The following ENTPD2 variants were observed in gnomAD, a reference collection of about 807,000 sequenced individuals.
ENTPD2 encodes ectonucleoside triphosphate diphosphohydrolase 2.
In ENTPD2, 48 loss-of-function variants were observed where a neutral mutation model predicts 46.8. The ratio of observed to expected loss-of-function variants is 1.03; its 90% CI spans 0.81 to 1.30. The LOEUF (loss-of-function observed/expected upper bound fraction) is 1.30. Ranked by LOEUF, ENTPD2 falls within the 50% of genes most tolerant of loss-of-function variation. The pLI, the probability that ENTPD2 is intolerant of heterozygous loss-of-function variation, is 0.00. For synonymous variants in ENTPD2, 316 were observed against 286.1 expected, an observed-to-expected ratio of 1.10 and a Z score of -1.06; for missense variants, 707 against 651.1, an observed-to-expected ratio of 1.09 and a Z score of -0.93.
Position 137,053,968 on chromosome 9 carries a change from C to A in ENTPD2, c.30G>T (p.Pro10=), listed in dbSNP as rs1832353916. Residue 10 remains proline, a synonymous_variant, in exon 1 of 9, where the codon CCG becomes CCT. Transcript: ENST00000355097. Reference sequence around the variant, plus strand: ...GGCCCGCGGCGGCCAGCAGCAGCGGCGGCAGCAGTGACCGCACCTTCCCGG... The same window carrying A: ...GGCCCGCGGCGGCCAGCAGCAGCGGAGGCAGCAGTGACCGCACCTTCCCGG... MAGKVRSLL[P]PLLLAAAGLA... is the part of the protein sequence containing the mutation. The A allele has an allele frequency of 8.2e-7, 1 of 1,221,648 alleles. No homozygotes were observed. The highest frequency in any genetic ancestry group is 1.0e-6 in the Non-Finnish European group (1 of 981,708). The allele number at this position is 1,221,648 out of a possible 1,614,324, so 75.7% of individuals were successfully genotyped here.
Position 137,053,869 on chromosome 9 carries a change from C to G in ENTPD2, c.117+12G>C, listed in dbSNP as rs577399919. On this transcript the variant is annotated intron_variant, in intron 1 of 8. Coordinates refer to ENST00000355097, the MANE Select transcript of ENTPD2 (RefSeq NM_203468.3). Reference sequence around the variant, plus strand: ...TGCTCCCCAGACGTGCGCTGGGTGCCCGGGCGCGCACCTTGAGGGCGGGCG... The same window carrying G: ...TGCTCCCCAGACGTGCGCTGGGTGCGCGGGCGCGCACCTTGAGGGCGGGCG... The G allele has an allele frequency of 1.4e-5, 17 of 1,222,718 alleles. No individual in the cohort carries two copies. Among genetic ancestry groups the G allele is most frequent in the Admixed American group, 4.3e-5 (1 of 23,406 alleles). The allele number at this position is 1,222,718 out of a possible 1,614,324, so 75.7% of individuals were successfully genotyped here. A position where few individuals can be genotyped will look rare whatever the true frequency, so the allele number is the denominator to read the frequency against.
chr9:137,052,452 C>G (rs901812549), intron 1 of ENTPD2, 104 bp from the exon 2 acceptor site: 3 of 871,546 alleles, frequency 3.4e-6, no homozygotes, highest in African/African-American at 4.6e-5. Context: ...GCTCCCCCCC[C>G]CACCCAGTCA....
In ENTPD2 at chr9:137,052,364, AGGGAGTCAGCCTGGGGT is replaced by A; in HGVS notation, c.118-33_118-17del. On this transcript the variant is annotated splice_polypyrimidine_tract_variant and intron_variant, in intron 1 of 8. Coordinates refer to ENST00000355097, the MANE Select transcript of ENTPD2 (RefSeq NM_203468.3). The stretch of plus-strand genomic sequence containing the variant: ...CGATGCCATACTGCGGGGGAGGGGG[AGGGAGTCAGCCTGGGGT>A]GTCCGGGGGCCCTGACACCCTGACA... The A allele has an allele frequency of 9.8e-7, 1 of 1,021,452 alleles. No homozygotes were observed. Among genetic ancestry groups the A allele is most frequent in the Non-Finnish European group, 1.5e-6 (1 of 673,296 alleles). The allele number at this position is 1,021,452 out of a possible 1,614,324, so 63.3% of individuals were successfully genotyped here. A position where few individuals can be genotyped will look rare whatever the true frequency, so the allele number is the denominator to read the frequency against.
intron 6 of ENTPD2, 36 bp from the exon 7 acceptor site, chr9:137,050,025 A>G: frequency 3.1e-6 from 5 of 1,588,484 alleles, no homozygotes; most frequent in East Asian, 2.3e-5. Context: ...ACCGAACCCC[A>G]GCGGCTCAGA....
In ENTPD2 at chr9:137,051,511, T is replaced by C. The variant is rs1197447007; in HGVS notation, c.385A>G (p.Asn129Asp). ...LGATAGMRLLNLTNPEASTSV... is the reference protein window; with the variant it reads ...LGATAGMRLLDLTNPEASTSV... ...GGGCCAGGGCACAGGCACACTCACT[T>C]GAGCAGGCGCATACCCGCTGTGGCT... The change falls in exon 3 of 9, where the codon AAC (asparagine) becomes GAC (aspartate). Residue 129 changes from asparagine to aspartate, a missense_variant and splice_region_variant. Asn to Asp is a conservative substitution (Grantham distance 23). Coordinates refer to ENST00000355097, the MANE Select transcript of ENTPD2 (RefSeq NM_203468.3). 5 of 1,592,526 alleles carry C rather than the reference T, an allele frequency of 3.1e-6. No individual in the cohort carries two copies. Among genetic ancestry groups the C allele is most frequent in the Non-Finnish European group, 4.3e-6 (5 of 1,168,888 alleles).
intron 3 of ENTPD2, 37 bp from the exon 4 acceptor site, chr9:137,051,407 C>T: frequency 1.3e-6 from 2 of 1,539,246 alleles, no homozygotes; most frequent in Non-Finnish European, 1.8e-6. Flanking sequence ...GCCTTCTCCC[C>T]AGGTGGCTGT....
intron 1 of ENTPD2, 193 bp from the exon 2 acceptor site, chr9:137,052,541 G>T (rs538520078): frequency 0.011 from 5,915 of 525,500 alleles, 54 homozygotes; most frequent in Non-Finnish European, 0.016. Context: ...ACAGGGAGGT[G>T]GTGGGGAGGT....
chr9:137,052,299 T>C lies in ENTPD2; in HGVS notation c.167A>G (p.Tyr56Cys). 1.2e-6 allele frequency: 2 copies of C among 1,610,154 alleles called. No homozygotes were observed. The highest frequency in any genetic ancestry group is 8.5e-7 in the Non-Finnish European group (1 of 1,179,098). Reference sequence around the variant, plus strand: ...GTTCTCCTTGTCTGCCGGCCACTTGTAGATAAACATGGACGTGTGTGAAGA... The same window carrying C: ...GTTCTCCTTGTCTGCCGGCCACTTGCAGATAAACATGGACGTGTGTGAAGA... The part of the protein sequence containing the change: ...AGSSHTSMFI[Y>C]KWPADKENDT... The change falls in exon 2 of 9, where the codon TAC becomes TGC. Residue 56 changes from tyrosine to cysteine, a missense_variant. By Grantham distance (194) the Tyr-to-Cys change is radical. Transcript: ENST00000355097.
chr9:137,050,471 T>C lies in ENTPD2; in HGVS notation c.842A>G (p.Gln281Arg). The C allele has an allele frequency of 6.2e-7, 1 of 1,612,856 alleles. No individual in the cohort carries two copies. The highest frequency in any genetic ancestry group is 8.5e-7 in the Non-Finnish European group (1 of 1,179,994). The change falls in exon 6 of 9, where the codon CAG (glutamine) becomes CGG (arginine). Residue 281 changes from glutamine to arginine, a missense_variant. Coordinates refer to ENST00000355097, the MANE Select transcript of ENTPD2 (RefSeq NM_203468.3). ...CCGCTGGGCCATGGTGCATGGTGAC[T>C]GGTACACATCCCCGAGCAGCACTTG... The part of the protein sequence containing the change: ...STQVLLGDVY[Q>R]SPCTMAQRPQ...
chr9:137,052,161 C>G (rs1832310808), intron 2 of ENTPD2, 70 bp downstream of exon 2: 1 of 1,419,246 alleles, frequency 7.0e-7, no homozygotes, highest in Non-Finnish European at 9.8e-7. Flanking sequence ...CCTGCACTGG[C>G]TAAGGCTGGA....
rs1321889765 is a variant in ENTPD2 at position 137,052,109 on chromosome 9, C to T, written c.235+122G>A. 6 of 852,984 alleles carry T rather than the reference C, an allele frequency of 7.0e-6. No individual in the cohort carries two copies. The South Asian group carries it at 8.3e-5, about 12-fold the overall frequency. 52.8% of individuals were successfully genotyped at this position (852,984 alleles called of 1,614,324 possible). Reference sequence around the variant, plus strand: ...GGCACCAGCCTCTCTCTTTCCAGGGCTTCTGCCTGGAGTGAGCCCCACCCA... The same window carrying T: ...GGCACCAGCCTCTCTCTTTCCAGGGTTTCTGCCTGGAGTGAGCCCCACCCA... On this transcript the variant is annotated intron_variant, in intron 2 of 8. Transcript: ENST00000355097.
In ENTPD2 at chr9:137,049,957, A is replaced by G. The variant is rs1832226833; in HGVS notation, c.1062T>C (p.Phe354=). The G allele has an allele frequency of 3.1e-6, 5 of 1,612,524 alleles. No homozygotes were observed. Among genetic ancestry groups the G allele is most frequent in the East Asian group, 2.2e-5 (1 of 44,890 alleles). Reference sequence around the variant, plus strand: ...CGGGCAGCCCCATCGAAGTCCGCAAAAAGTCCACAGTGTAGAAGAAGGCAG... The same window carrying G: ...CGGGCAGCCCCATCGAAGTCCGCAAGAAGTCCACAGTGTAGAAGAAGGCAG... ...AFSAFFYTVD[F]LRTSMGLPVA... Residue 354 remains phenylalanine, a synonymous_variant, in exon 7 of 9, where the codon TTT becomes TTC. Coordinates refer to ENST00000355097, the MANE Select transcript of ENTPD2 (RefSeq NM_203468.3).
At position 137,054,050 on chromosome 9, in the gene ENTPD2, C is replaced by A; in HGVS notation, c.-53G>T. On this transcript the variant is annotated 5_prime_UTR_variant, in exon 1 of 9. Coordinates refer to ENST00000355097, the MANE Select transcript of ENTPD2 (RefSeq NM_203468.3). The stretch of plus-strand genomic sequence containing the variant: ...GCGTGGACCCGGAGAGTGCGGGGAG[C>A]CGGAGGCGGAGGCGGGCGGGGCCGC... The A allele has an allele frequency of 8.7e-7, 1 of 1,150,910 alleles. No homozygotes were observed. The highest frequency in any genetic ancestry group is 1.1e-6 in the Non-Finnish European group (1 of 924,254). The allele number at this position is 1,150,910 out of a possible 1,614,324, so 71.3% of individuals were successfully genotyped here. A position where few individuals can be genotyped will look rare whatever the true frequency, so the allele number is the denominator to read the frequency against.
Position 137,052,237 on chromosome 9 carries a change from C to T in ENTPD2, c.229G>A (p.Val77Ile), listed in dbSNP as rs1307229141. 6.2e-7 allele frequency: 1 copy of T among 1,612,404 alleles called. No homozygotes were observed. Among genetic ancestry groups the T allele is most frequent in the Admixed American group, 1.7e-5 (1 of 59,996 alleles). ...GGGCTGGGCTGGGCCTCACCTGGAA[C>T]ATCACAGGAGCTGTGCTGGCCCACA... is the stretch of plus-strand genomic sequence containing the variant. The part of the protein sequence containing the change: ...GIVGQHSSCD[V>I]PGGGISSYAD... The change falls in exon 2 of 9, where the codon GTT becomes ATT. Residue 77 changes from valine to isoleucine, a missense_variant. Transcript: ENST00000355097.
In ENTPD2 at chr9:137,048,742, A is replaced by G; in HGVS notation, c.1403T>C (p.Leu468Pro). ...CAGGAGCGCGGAGGCGAAGAGCAGC[A>G]GGAGGACGACCCAGGAGCTGAAGTC... ...GTDFSSWVVL[L>P]LLFASALLAA... The change falls in exon 9 of 9, where the codon CTG becomes CCG. Residue 468 changes from leucine (L) to proline (P), a missense_variant. Transcript: ENST00000355097. 4 of 1,604,906 alleles carry G rather than the reference A, an allele frequency of 2.5e-6. No homozygotes were observed. Among genetic ancestry groups the G allele is most frequent in the East Asian group, 4.5e-5 (2 of 44,764 alleles).
In ENTPD2 at chr9:137,049,076, C is replaced by T. The variant is rs1832204657; in HGVS notation, c.1150-1G>A. ...GTTGCCCTGGCACCCGAGCTTGCAG[C>T]TGGGACGCGGGCGGGACACCGTCAG... On this transcript the variant is annotated splice_acceptor_variant, in intron 7 of 8. Transcript: ENST00000355097. LOFTEE classifies it high-confidence loss of function. The T allele has an allele frequency of 2.0e-6, 3 of 1,532,208 alleles. No individual in the cohort carries two copies. Among genetic ancestry groups the T allele is most frequent in the African/African-American group, 2.8e-5 (2 of 72,692 alleles). The allele number at this position is 1,532,208 out of a possible 1,614,324, so 94.9% of individuals were successfully genotyped here.
Position 137,053,971 on chromosome 9 carries a change from C to T in ENTPD2, c.27G>A (p.Leu9=), listed in dbSNP as rs1010928474. The change falls in exon 1 of 9, where the codon CTG becomes CTA. Residue 9 remains leucine (L), a synonymous_variant. Coordinates refer to ENST00000355097, the MANE Select transcript of ENTPD2 (RefSeq NM_203468.3). MAGKVRSL[L]PPLLLAAAGL... ...CCGCGGCGGCCAGCAGCAGCGGCGG[C>T]AGCAGTGACCGCACCTTCCCGGCCA... 1 of 1,221,404 alleles carries T rather than the reference C, an allele frequency of 8.2e-7. No individual in the cohort carries two copies. Among genetic ancestry groups the T allele is most frequent in the African/African-American group, 1.6e-5 (1 of 63,926 alleles). The allele number at this position is 1,221,404 out of a possible 1,614,324, so 75.7% of individuals were successfully genotyped here. A position where few individuals can be genotyped will look rare whatever the true frequency, so the allele number is the denominator to read the frequency against.
At chr9:137,050,856 C>G in intron 5 of ENTPD2, 46 bp downstream of exon 5, 1 of 1,588,452 alleles carries the variant, frequency 6.3e-7, no homozygotes, top group Non-Finnish European at 8.6e-7. Context: ...AGGCTCTGCT[C>G]CAGGAGGGAA....
At chr9:137,053,856 G>T in intron 1 of ENTPD2, 25 bp downstream of exon 1, 4 of 1,214,604 alleles carry the variant, frequency 3.3e-6, no homozygotes, top group South Asian at 4.2e-5. Flanking sequence ...CTCCCCAGAC[G>T]TGCGCTGGGT....
Sources: gnomAD v4.1 joint callset for allele counts on GRCh38, gnomAD v4.1.1 for gene constraint, MANE v1.5 for transcripts, NCBI Gene and HGNC (gene_info 2026-07-23, HGNC 2026-07-21) for gene names.